The following KICS2 variants were observed in gnomAD, a reference collection of about 807,000 sequenced individuals.
KICS2 encodes the protein KICSTOR complex protein C12orf66.
A neutral mutation model predicts 31.4 loss-of-function variants in KICS2; 13 were observed. The observed-to-expected ratio is 0.41, with a 90% CI of 0.27 to 0.66. KICS2 has a LOEUF of 0.66. Ranked by LOEUF, KICS2 falls within the 30% of genes least tolerant of loss-of-function variation. The pLI, the probability that KICS2 is intolerant of heterozygous loss-of-function variation, is 0.28. For synonymous variants in KICS2, 209 were observed against 214.8 expected (o/e 0.97, Z 0.24); for missense variants, 455 against 545.4 (o/e 0.83, Z 1.65).
In KICS2 at chr12:64,192,444, AG is replaced by A. The variant is rs1289522145; in HGVS notation, c.*1397del. ...CTGGCCGGTTCTTCTTTCTTCTGCC[AG>A]GCAGTCCACCCTAGGTGGGCAGGCT... On this transcript the variant is annotated 3_prime_UTR_variant, in exon 3 of 3. Transcript: ENST00000398055. 1 of 231,532 alleles carries A rather than the reference AG, an allele frequency of 4.3e-6. No homozygotes were observed. Among genetic ancestry groups the A allele is most frequent in the African/African-American group, 2.3e-5 (1 of 42,876 alleles). The allele number at this position is 231,532 out of a possible 1,614,324, so 14.3% of individuals were successfully genotyped here.
At chr12:64,221,692 G>T (rs937619404) in intron 1 of KICS2, 2 of 458,302 alleles carry the variant, frequency 4.4e-6, no homozygotes, top group Non-Finnish European at 7.9e-6. Context: ...AAACAATGAA[G>T]ACATAGTTTG....
chr12:64,220,860 A>G (rs1284024575), intron 1 of KICS2, among the ~76,000 whole-genome samples: 1 of 152,178 alleles, frequency 6.6e-6, no homozygotes, highest in Non-Finnish European at 1.5e-5. Context: ...GAATAATAAC[A>G]CCATAGCAGC....
At chr12:64,217,857 A>G (rs1015400923) in intron 1 of KICS2, among the ~76,000 whole-genome samples, 1 of 150,420 alleles carries the variant, frequency 6.6e-6, no homozygotes, top group Non-Finnish European at 1.5e-5. Flanking sequence ...GAAGAAAAGG[A>G]AAGGAAAGAA....
In KICS2 at chr12:64,193,429, C is replaced by G. The variant is rs996924104; in HGVS notation, c.*413G>C. On this transcript the variant is annotated 3_prime_UTR_variant, in exon 3 of 3. Transcript: ENST00000398055. The stretch of plus-strand genomic sequence containing the variant: ...CATATAGTTCTTAATTCTAAAAAGG[C>G]CATTTAATATCTCATCCCTATTACT... 6 of 989,412 alleles carry G rather than the reference C, an allele frequency of 6.1e-6. No individual in the cohort carries two copies. The African/African-American group carries it at 7.0e-5, about 12-fold the overall frequency. 61.3% of individuals were successfully genotyped at this position (989,412 alleles called of 1,614,324 possible). A position where few individuals can be genotyped will look rare whatever the true frequency, so the allele number is the denominator to read the frequency against.
rs2037374709 is a variant in KICS2 at position 64,191,086 on chromosome 12, G to A, written c.*2756C>T. 2 of 152,186 alleles carry A rather than the reference G, an allele frequency of 1.3e-5. No homozygotes were observed. Among genetic ancestry groups the A allele is most frequent in the Admixed American group, 6.5e-5 (1 of 15,276 alleles). The allele number at this position is 152,186 out of a possible 1,614,324, so 9.4% of individuals were successfully genotyped here. A position where few individuals can be genotyped will look rare whatever the true frequency, so the allele number is the denominator to read the frequency against. On this transcript the variant is annotated 3_prime_UTR_variant, in exon 3 of 3. Transcript: ENST00000398055. ...GAAAGCAGTCTGCAGAAAATACGCA[G>A]ATTTACTCTTTTAATTAGCAAAACA...
Position 64,193,635 on chromosome 12 carries a change from C to A in KICS2, c.*207G>T. 1 of 1,393,714 alleles carries A rather than the reference C, an allele frequency of 7.2e-7. No homozygotes were observed. The highest frequency in any genetic ancestry group is 9.3e-7 in the Non-Finnish European group (1 of 1,078,440). The allele number at this position is 1,393,714 out of a possible 1,614,324, so 86.3% of individuals were successfully genotyped here. On this transcript the variant is annotated 3_prime_UTR_variant, in exon 3 of 3. Transcript: ENST00000398055. ...CTGTACCATGGAGACACATGGTAGC[C>A]CATGACCACTTCCTAGATTACTCTT...
At chr12:64,203,440 C>T (rs2037508658) in intron 2 of KICS2, among the ~76,000 whole-genome samples, 1 of 152,214 alleles carries the variant, frequency 6.6e-6, no homozygotes, top group South Asian at 2.1e-4. Context: ...AGATCCACAG[C>T]ACCTGCAGAG....
chr12:64,195,648 A>G (rs377513904), intron 2 of KICS2, among the ~76,000 whole-genome samples: 9 of 152,370 alleles, frequency 5.9e-5, no homozygotes, highest in South Asian at 2.1e-4. Flanking sequence ...CAGCATGAGC[A>G]ACGCAGAAGA....
chr12:64,207,786 C>T (rs565292573), intron 2 of KICS2, among the ~76,000 whole-genome samples: 1 of 152,142 alleles, frequency 6.6e-6, no homozygotes, highest in South Asian at 2.1e-4. Context: ...TGCAAACACA[C>T]AAGTGTAAAT....
chr12:64,196,435 C>T (rs922133262), intron 2 of KICS2, among the ~76,000 whole-genome samples: 1 of 143,882 alleles, frequency 7.0e-6, no homozygotes, highest in African/African-American at 2.5e-5. Context: ...ACATCCACAC[C>T]GAAAACCCAT....
chr12:64,206,897 T>C (rs1483709440), intron 2 of KICS2, among the ~76,000 whole-genome samples: 1 of 151,934 alleles, frequency 6.6e-6, no homozygotes, highest in Non-Finnish European at 1.5e-5. Flanking sequence ...GGGGGGAAAA[T>C]GTTGCTCAAT....
At position 64,217,588 on chromosome 12, in the gene KICS2, C is replaced by G. The variant is rs535926147; in HGVS notation, c.236-1625G>C. On this transcript the variant is annotated intron_variant, in intron 1 of 2. Transcript: ENST00000398055. ...CTGAGGCGGGAGGATCACCCGAGGT[C>G]AGGAGTTCAACACCAGCCTGGCCAA... 2.6e-3 allele frequency among the ~76,000 whole-genome samples: 393 copies of G among 152,086 alleles called. 2 individuals carry two copies. The highest frequency in any genetic ancestry group is 5.1e-3 in the Admixed American group (78 of 15,278).
At chr12:64,195,092 C>A (rs534191932) in intron 2 of KICS2, among the ~76,000 whole-genome samples, 1 of 152,244 alleles carries the variant, frequency 6.6e-6, no homozygotes, top group African/African-American at 2.4e-5. Flanking sequence ...TAGGCACACA[C>A]TCCATTTTCT....
At chr12:64,215,442 C>T (rs931090289) in intron 2 of KICS2, among the ~76,000 whole-genome samples, 15 of 152,164 alleles carry the variant, frequency 9.9e-5, no homozygotes, top group Admixed American at 7.2e-4. Flanking sequence ...ACAAGTTTTA[C>T]GATTACTTCA....
At chr12:64,221,970 C>T in intron 1 of KICS2, 33 bp downstream of exon 1, 1 of 1,595,004 alleles carries the variant, frequency 6.3e-7, no homozygotes, top group Non-Finnish European at 8.5e-7. Context: ...TTTACTTCCT[C>T]CTCAAGGGGC....
chr12:64,221,244 ACT>A (rs897986881), intron 1 of KICS2, among the ~76,000 whole-genome samples: 2 of 152,092 alleles, frequency 1.3e-5, no homozygotes, highest in African/African-American at 4.8e-5. Context: ...CAAAGTACTG[ACT>A]CTGAAACCCC....
chr12:64,204,664 A>C (rs2037520593), intron 2 of KICS2: 1 of 152,080 alleles, frequency 6.6e-6, no homozygotes, highest in Admixed American at 6.6e-5. Flanking sequence ...GGCCTCGTGG[A>C]GTGCGCCTGT....
At position 64,222,183 on chromosome 12, in the gene KICS2, C is replaced by T; in HGVS notation, c.55G>A (p.Glu19Lys). 6.2e-7 allele frequency: 1 copy of T among 1,614,118 alleles called. No individual in the cohort carries two copies. Among genetic ancestry groups the T allele is most frequent in the South Asian group, 1.1e-5 (1 of 91,090 alleles). ...ATACCCAGGTGAGAGAAGAACGTCTCCAGCACCGCCTGTTCCACCGGGACC... is the reference window on the plus strand; with the variant it reads ...ATACCCAGGTGAGAGAAGAACGTCTTCAGCACCGCCTGTTCCACCGGGACC... The part of the protein sequence containing the change: ...APVPVEQAVL[E>K]TFFSHLGIFS... Residue 19 changes from glutamate to lysine, a missense_variant, in exon 1 of 3, where the codon GAG (glutamate) becomes AAG (lysine). Coordinates refer to ENST00000398055, the MANE Select transcript of KICS2 (RefSeq NM_152440.5).
At chr12:64,214,850 A>C (rs995207094) in intron 2 of KICS2, among the ~76,000 whole-genome samples, 1 of 152,054 alleles carries the variant, frequency 6.6e-6, no homozygotes, top group Non-Finnish European at 1.5e-5. Flanking sequence ...CACTAAGAAT[A>C]CTTAAAATGA....
Sources: gnomAD v4.1 joint callset for allele counts (sites outside exome capture counted in the v4.1 genomes callset) on GRCh38, gnomAD v4.1.1 for gene constraint, MANE v1.5 for transcripts, NCBI Gene and HGNC (gene_info 2026-07-23, HGNC 2026-07-21) for gene names.